SCAPER: variants seen among roughly 807,000 people sequenced by gnomAD.
The protein encoded by SCAPER is S-phase cyclin A associated protein in the ER.
In SCAPER, 98 loss-of-function variants were observed where a neutral mutation model predicts 182.2. The observed-to-expected ratio is 0.54, with a 90% CI of 0.46 to 0.64. SCAPER has a LOEUF of 0.64. Among genes scored for constraint, SCAPER ranks in the 30% least tolerant of loss-of-function variants. The pLI, the probability that SCAPER is intolerant of heterozygous loss-of-function variation, is 0.00. For synonymous variants in SCAPER, 605 were observed against 564.6 expected (o/e 1.07, Z -1.01); for missense variants, 1,432 against 1,690.0 (o/e 0.85, Z 2.68).
intron 24 of SCAPER, among the ~76,000 whole-genome samples, chr15:76,500,458 G>GA (rs1187774939): frequency 1.4e-4 from 22 of 152,354 alleles, no homozygotes; most frequent in Admixed American, 1.3e-3. Context: ...TGGTTGCCTT[G>GA]TGAATTATGA....
intron 24 of SCAPER, among the ~76,000 whole-genome samples, chr15:76,485,341 C>T (rs1029257166): frequency 2.0e-5 from 3 of 152,108 alleles, no homozygotes; most frequent in African/African-American, 7.2e-5. Flanking sequence ...GGTAAAAGAT[C>T]TCTACAAGGA....
chr15:76,622,979 C>A (rs914350679), intron 21 of SCAPER, among the ~76,000 whole-genome samples: 9 of 152,080 alleles, frequency 5.9e-5, no homozygotes, highest in Non-Finnish European at 8.8e-5. Context: ...CATGTGACAT[C>A]CAGTTGTTTA....
intron 17 of SCAPER, among the ~76,000 whole-genome samples, chr15:76,714,483 T>C (rs1040113449): frequency 1.3e-5 from 2 of 152,052 alleles, no homozygotes; most frequent in Admixed American, 6.6e-5. Context: ...TTCCTAGGCA[T>C]ATACTAGACT....
At chr15:76,854,734 T>C (rs7171104) in intron 4 of SCAPER, among the ~76,000 whole-genome samples, 12,731 of 147,726 alleles carry the variant, frequency 0.086, 640 homozygotes, top group African/African-American at 0.13. Flanking sequence ...CCAAGGCAGG[T>C]GGATCATGAG....
At chr15:76,469,788 G>T (rs1352084853) in intron 25 of SCAPER, among the ~76,000 whole-genome samples, 1 of 152,084 alleles carries the variant, frequency 6.6e-6, no homozygotes, top group Non-Finnish European at 1.5e-5. Context: ...TTAAGAGGCT[G>T]CTTTCAAAAT....
chr15:76,812,291 G>A (rs868055384), intron 5 of SCAPER, among the ~76,000 whole-genome samples: 2 of 151,946 alleles, frequency 1.3e-5, no homozygotes, highest in South Asian at 4.1e-4. Flanking sequence ...CCCAGCCTGG[G>A]TGACAAAGCG....
chr15:76,881,990 T>C (rs1366632336), intron 2 of SCAPER, among the ~76,000 whole-genome samples: 1 of 152,220 alleles, frequency 6.6e-6, no homozygotes, highest in Non-Finnish European at 1.5e-5. Context: ...ATAGTTTGAA[T>C]TTTGAACCAT....
chr15:76,633,550 T>C lies in SCAPER; in HGVS notation c.2646-11721A>G, dbSNP rs1597823510. ...AAACATTAAGACTGCTGATCCACCA[T>C]ACTGCAGGCACCCCTCCTCCTAGGG... On this transcript the variant is annotated intron_variant, in intron 21 of 31. Coordinates refer to ENST00000563290, the MANE Select transcript of SCAPER (RefSeq NM_020843.4). Among the ~76,000 whole-genome samples, 3 of 152,336 alleles carry C rather than the reference T, an allele frequency of 2.0e-5. No homozygotes were observed. The South Asian group carries it at 6.2e-4, about 32-fold the overall frequency.
At chr15:76,530,098 T>C (rs1003844316) in intron 23 of SCAPER, among the ~76,000 whole-genome samples, 2 of 152,202 alleles carry the variant, frequency 1.3e-5, no homozygotes, top group Non-Finnish European at 2.9e-5. Context: ...TTCATATTGC[T>C]GGAGGAATGA....
At chr15:76,779,998 G>A (rs3102708) in intron 8 of SCAPER, among the ~76,000 whole-genome samples, 6,718 of 152,242 alleles carry the variant, frequency 0.044, 322 homozygotes, top group African/African-American at 0.12. Context: ...ATTTCCAACT[G>A]AGGTACCTGG....
chr15:76,418,108 C>A (rs2045783920), intron 26 of SCAPER, among the ~76,000 whole-genome samples: 1 of 152,132 alleles, frequency 6.6e-6, no homozygotes, highest in African/African-American at 2.4e-5. Context: ...CCCCCTCCAC[C>A]CCAACAGGAA....
At chr15:76,682,243 A>C (rs1161585983) in intron 20 of SCAPER, among the ~76,000 whole-genome samples, 1 of 150,882 alleles carries the variant, frequency 6.6e-6, no homozygotes, top group African/African-American at 2.4e-5. Flanking sequence ...GTGCACTCAC[A>C]TGGACAGAGC....
At chr15:76,748,773 G>A (rs2061941327) in intron 15 of SCAPER, among the ~76,000 whole-genome samples, 1 of 151,446 alleles carries the variant, frequency 6.6e-6, no homozygotes, top group African/African-American at 2.4e-5. Context: ...TAGTCTTTGG[G>A]GAAATAGATA....
chr15:76,861,760 AATGT>A (rs1345347536), intron 3 of SCAPER: 1 of 152,198 alleles, frequency 6.6e-6, no homozygotes, highest in East Asian at 1.9e-4. Context: ...AAAAAACCTA[AATGT>A]ATTAGTCCAT....
chr15:76,833,500 T>C (rs2068680571), intron 5 of SCAPER, among the ~76,000 whole-genome samples: 1 of 152,198 alleles, frequency 6.6e-6, no homozygotes, highest in Non-Finnish European at 1.5e-5. Flanking sequence ...ATAGGATTAA[T>C]GCATCACATA....
intron 21 of SCAPER, among the ~76,000 whole-genome samples, chr15:76,662,867 AATATG>A (rs2056302817): frequency 6.6e-6 from 1 of 152,178 alleles, no homozygotes; most frequent in Non-Finnish European, 1.5e-5. Flanking sequence ...TCTAGAAAAA[AATATG>A]ATAGAGTATC....
intron 23 of SCAPER, among the ~76,000 whole-genome samples, chr15:76,528,688 G>A (rs1046354792): frequency 6.6e-6 from 1 of 152,144 alleles, no homozygotes; most frequent in Admixed American, 6.6e-5. Flanking sequence ...TTCTGCTATA[G>A]GTTTGCCTTC....
At chr15:76,587,574 A>G (rs1021639737) in intron 22 of SCAPER, among the ~76,000 whole-genome samples, 2 of 152,166 alleles carry the variant, frequency 1.3e-5, no homozygotes, top group African/African-American at 4.8e-5. Flanking sequence ...TTTAATTTCC[A>G]TGTATTTGCA....
At chr15:76,889,917 G>A (rs920414753) in intron 1 of SCAPER, among the ~76,000 whole-genome samples, 1 of 152,074 alleles carries the variant, frequency 6.6e-6, no homozygotes, top group African/African-American at 2.4e-5. Flanking sequence ...CCACATAATT[G>A]GAAGTAAAGC....
Sources: allele counts gnomAD v4.1 joint callset (sites outside exome capture counted in the v4.1 genomes callset), GRCh38; gene constraint gnomAD v4.1.1; transcripts MANE v1.5; gene names NCBI Gene and HGNC (gene_info 2026-07-23, HGNC 2026-07-21).